YIF1B: variants seen among roughly 807,000 people sequenced by gnomAD.
YIF1B encodes the protein Yip1 interacting factor homolog B, membrane trafficking protein, also known as protein YIF1B.
YIF1B carries 24 observed loss-of-function variants against 34.6 expected under a neutral mutation model. That is an observed-to-expected ratio of 0.69 (90% CI 0.50 to 0.98). The LOEUF (loss-of-function observed/expected upper bound fraction) is 0.98, where lower values mean the gene tolerates loss of function less well. YIF1B is among the 50% of genes least tolerant of loss of function. YIF1B has a pLI of 0.00. For missense variants in YIF1B, 368 were observed against 429.4 expected, an observed-to-expected ratio of 0.86 and a Z score of 1.26; for synonymous variants, 186 against 184.8, an observed-to-expected ratio of 1.01 and a Z score of -0.05.
intron 1 of YIF1B, among the ~76,000 whole-genome samples, chr19:38,314,192 ATTT>A (rs544115864): frequency 1.1e-4 from 14 of 127,228 alleles, no homozygotes; most frequent in Admixed American, 1.6e-4. Flanking sequence ...CGCCCGGCTA[ATTT>A]TTTTTTTTTT....
At chr19:38,316,085 G>T, upstream of YIF1B, 1 of 1,063,208 alleles carries the variant, frequency 9.4e-7, no homozygotes, top group Non-Finnish European at 1.2e-6. Context: ...TGGACGACTG[G>T]GCGGTGCCTT....
upstream of YIF1B, among the ~76,000 whole-genome samples, chr19:38,316,126 TCATG>T (rs1229898021): frequency 6.8e-6 from 1 of 147,962 alleles, no homozygotes; most frequent in Admixed American, 6.7e-5. Flanking sequence ...GCTACTGGGC[TCATG>T]CAGTAAAGCG....
upstream of YIF1B, chr19:38,319,901 G>A: frequency 7.3e-7 from 1 of 1,362,578 alleles, no homozygotes; most frequent in South Asian, 1.7e-5. Flanking sequence ...CCGGAGGCGG[G>A]GGCCACGTCA....
upstream of YIF1B, among the ~76,000 whole-genome samples, chr19:38,317,723 C>T (rs1441513364): frequency 2.0e-5 from 3 of 151,904 alleles, no homozygotes; most frequent in Admixed American, 6.6e-5. Context: ...AGATTACAGG[C>T]GTGTGCCATC....
In YIF1B at chr19:38,304,244, C is replaced by G. The variant is rs372040444; in HGVS notation, c.*1108G>C. ...GCCCAGGCGCCCTTGGCCTTAGGAC[C>G]CAACTTCTCTTACCGCCATGGAGTT... On this transcript the variant is annotated 3_prime_UTR_variant, in exon 8 of 8. Transcript: ENST00000339413. 3 of 1,613,436 alleles carry G rather than the reference C, an allele frequency of 1.9e-6. No individual in the cohort carries two copies. The highest frequency in any genetic ancestry group is 2.7e-5 in the African/African-American group (2 of 74,938).
At chr19:38,319,804 C>T (rs1969624244), upstream of YIF1B, 4 of 830,970 alleles carry the variant, frequency 4.8e-6, no homozygotes, top group South Asian at 5.2e-5. Context: ...CGTCGCCGCC[C>T]CCCACCTCCC....
At position 38,304,409 on chromosome 19, in the gene YIF1B, G is replaced by C; in HGVS notation, c.*943C>G. On this transcript the variant is annotated 3_prime_UTR_variant, in exon 8 of 8. Transcript: ENST00000339413. ...CCACCTCCCAGAAGCCCGGTGTGGG[G>C]GCGGGCCACGGGGGAGATCCCAAGC... 3 of 1,566,708 alleles carry C rather than the reference G, an allele frequency of 1.9e-6. No individual in the cohort carries two copies. Among genetic ancestry groups the C allele is most frequent in the Non-Finnish European group, 2.6e-6 (3 of 1,156,306 alleles).
upstream of YIF1B, among the ~76,000 whole-genome samples, chr19:38,321,708 G>C (rs1340584774): frequency 6.6e-6 from 1 of 152,232 alleles, no homozygotes; most frequent in Non-Finnish European, 1.5e-5. Context: ...TTTTGCTTTT[G>C]GTCCCCTGGC....
intron 1 of YIF1B, chr19:38,315,299 A>G (rs1456224420): frequency 1.2e-6 from 1 of 861,364 alleles, no homozygotes; most frequent in East Asian, 1.0e-4. Flanking sequence ...CTTCACTGAC[A>G]CCCCTAGGCT....
upstream of YIF1B, among the ~76,000 whole-genome samples, chr19:38,320,829 C>T (rs1302443832): frequency 6.6e-6 from 1 of 152,104 alleles, no homozygotes; most frequent in African/African-American, 2.4e-5. Flanking sequence ...AAATTGCTGG[C>T]ATTACAGGCT....
At chr19:38,307,152 A>C in intron 7 of YIF1B, 1 of 520,800 alleles carries the variant, frequency 1.9e-6, no homozygotes, top group Non-Finnish European at 3.6e-6. Flanking sequence ...CTCCCATGTA[A>C]GGAGAGTGGA....
upstream of YIF1B, among the ~76,000 whole-genome samples, chr19:38,316,833 A>T (rs1332869239): frequency 1.3e-5 from 2 of 151,992 alleles, no homozygotes; most frequent in African/African-American, 2.4e-5. Flanking sequence ...GCTAATTTTT[A>T]AATTTTTTGT....
At chr19:38,313,513 C>T (rs1969409959) in intron 1 of YIF1B, among the ~76,000 whole-genome samples, 1 of 152,152 alleles carries the variant, frequency 6.6e-6, no homozygotes, top group Non-Finnish European at 1.5e-5. Flanking sequence ...CCCGCCTCGG[C>T]CTCCCAAAGT....
intron 4 of YIF1B, 53 bp downstream of exon 4, chr19:38,308,926 T>C (rs1969183347): frequency 1.2e-6 from 2 of 1,612,880 alleles, no homozygotes; most frequent in African/African-American, 1.3e-5. Flanking sequence ...ACACACCCGC[T>C]CCATATAGGC....
chr19:38,314,240 G>C (rs544623052), intron 1 of YIF1B, among the ~76,000 whole-genome samples: 2 of 149,054 alleles, frequency 1.3e-5, no homozygotes, highest in East Asian at 3.9e-4. Flanking sequence ...TGTCACCCAG[G>C]CTGGAGTGCA....
chr19:38,317,507 T>C (rs77236476), upstream of YIF1B, among the ~76,000 whole-genome samples: 1,588 of 152,246 alleles, frequency 0.01, 30 homozygotes, highest in African/African-American at 0.037. Flanking sequence ...CATTTTCTCC[T>C]CATCCTCAGC....
Position 38,315,906 on chromosome 19 carries a change from T to A in YIF1B, c.12A>T (p.Ala4=). 6.8e-7 allele frequency: 1 copy of A among 1,477,082 alleles called. No individual in the cohort carries two copies. Among genetic ancestry groups the A allele is most frequent in the Non-Finnish European group, 8.9e-7 (1 of 1,122,552 alleles). The allele number at this position is 1,477,082 out of a possible 1,614,324, so 91.5% of individuals were successfully genotyped here. A position where few individuals can be genotyped will look rare whatever the true frequency, so the allele number is the denominator to read the frequency against. The stretch of plus-strand genomic sequence containing the variant: ...TCCCCGCAGCCGCCGCCGCCAAGCC[T>A]GCCGGGTGCATCCTTCGCCGCCGCC... MHP[A]GLAAAAAGTP... The change falls in exon 1 of 8, where the codon GCA becomes GCT. Residue 4 remains alanine (A), a synonymous_variant. Coordinates refer to ENST00000339413, the MANE Select transcript of YIF1B (RefSeq NM_001039672.3).
chr19:38,316,140 G>T (rs1351922122), upstream of YIF1B, among the ~76,000 whole-genome samples: 1 of 151,870 alleles, frequency 6.6e-6, no homozygotes, highest in Non-Finnish European at 1.5e-5. Context: ...GCAGTAAAGC[G>T]AGTCAAGGCC....
intron 7 of YIF1B, chr19:38,307,148 T>G: frequency 8.6e-5 from 43 of 500,930 alleles, no homozygotes; most frequent in East Asian, 1.3e-4. Context: ...AAGGCTCCCA[T>G]GTAAGGAGAG....
Sources: gnomAD v4.1 joint callset for allele counts (sites outside exome capture counted in the v4.1 genomes callset) on GRCh38, gnomAD v4.1.1 for gene constraint, MANE v1.5 for transcripts, NCBI Gene and HGNC (gene_info 2026-07-23, HGNC 2026-07-21) for gene names.